Variants in ENPP3 observed in about 807,000 individuals in gnomAD.
The protein encoded by ENPP3 is ectonucleotide pyrophosphatase/phosphodiesterase family member 3.
Under a neutral mutation model 117.8 loss-of-function variants are expected in ENPP3, and 104 were observed. That is an observed-to-expected ratio of 0.88 (90% CI 0.75 to 1.04). The LOEUF (loss-of-function observed/expected upper bound fraction) is 1.04, where lower values mean the gene tolerates loss of function less well. ENPP3 is among the 50% of genes least tolerant of loss of function. The pLI is 0.00. For synonymous variants in ENPP3, 380 were observed against 349.9 expected, an observed-to-expected ratio of 1.09 and a Z score of -0.96; for missense variants, 1,026 against 1,051.9, an observed-to-expected ratio of 0.98 and a Z score of 0.34.
chr6:131,713,732 TA>T, intron 15 of ENPP3, among the ~76,000 whole-genome samples: 1 of 152,306 alleles, frequency 6.6e-6, no homozygotes, highest in Middle Eastern at 3.4e-3. Flanking sequence ...TATGTTCCAA[TA>T]AACCCATCAT....
intron 20 of ENPP3, 60 bp downstream of exon 20, chr6:131,726,260 C>A (rs1305664058): frequency 3.4e-6 from 5 of 1,488,924 alleles, no homozygotes; most frequent in Non-Finnish European, 4.6e-6. Context: ...CTTTCATATT[C>A]TAAGAGTTGA....
chr6:131,658,794 G>C (rs1778439885), intron 6 of ENPP3, among the ~76,000 whole-genome samples: 2 of 152,166 alleles, frequency 1.3e-5, no homozygotes. Flanking sequence ...AGCCTGGTGG[G>C]CTTAGACAGA....
rs547503130 is a variant in ENPP3, at chr6:131,696,742, T to G, written c.1412+3118T>G. On this transcript the variant is annotated intron_variant, in intron 15 of 24. Transcript: ENST00000357639. ...GCCGCGTCCTTCAAAGGCACCTTTTTTTCTCTCAATGATCTACCCAGAGCA... is the reference window on the plus strand; with the variant it reads ...GCCGCGTCCTTCAAAGGCACCTTTTGTTCTCTCAATGATCTACCCAGAGCA... 6.6e-4 allele frequency among the ~76,000 whole-genome samples: 100 copies of G among 152,144 alleles called. 1 individual carries two copies. Among genetic ancestry groups the G allele is most frequent in the African/African-American group, 2.4e-3 (98 of 41,496 alleles).
chr6:131,699,235 C>CAAAAAAAAAAAAAAAAAAAAAAAAAAAA (rs4053087), intron 15 of ENPP3, among the ~76,000 whole-genome samples: 1 of 107,968 alleles, frequency 9.3e-6, no homozygotes, highest in Admixed American at 9.9e-5. Context: ...AAGACTGTCT[C>CAAAAAAAAAAAAAAAAAAAAAAAAAAAA]AAAAAAAAAA....
At chr6:131,651,195 CA>C in intron 3 of ENPP3, among the ~76,000 whole-genome samples, 1 of 152,274 alleles carries the variant, frequency 6.6e-6, no homozygotes, top group South Asian at 2.1e-4. Flanking sequence ...GCTGGGATTA[CA>C]GGTGTGGGCC....
intron 20 of ENPP3, 93 bp downstream of exon 20, chr6:131,726,293 C>A: frequency 1.7e-6 from 2 of 1,173,890 alleles, no homozygotes; most frequent in South Asian, 3.0e-5. Flanking sequence ...AGCAGAGATT[C>A]AAAGGGAGGG....
intron 21 of ENPP3, among the ~76,000 whole-genome samples, chr6:131,734,374 G>A (rs3843997): frequency 1.3e-3 from 196 of 152,218 alleles, no homozygotes; most frequent in African/African-American, 4.5e-3. Context: ...CTGTGCAACA[G>A]GAAACGTCAT....
chr6:131,678,904 T>C, intron 11 of ENPP3, among the ~76,000 whole-genome samples: 1 of 143,742 alleles, frequency 7.0e-6, no homozygotes, highest in East Asian at 2.0e-4. Context: ...TTTCTTTCTT[T>C]CTCTCTTTCT....
At chr6:131,723,921 C>A in intron 18 of ENPP3, 119 bp from the exon 19 acceptor site, 1 of 674,282 alleles carries the variant, frequency 1.5e-6, no homozygotes, top group Non-Finnish European at 2.6e-6. Context: ...GTTAGGCTAG[C>A]TTCTTTGGCA....
intron 9 of ENPP3, among the ~76,000 whole-genome samples, chr6:131,676,318 G>A (rs1778867794): frequency 6.7e-6 from 1 of 150,298 alleles, no homozygotes; most frequent in African/African-American, 2.5e-5. Context: ...TTTTATATTA[G>A]GTCTATTGTT....
At chr6:131,716,159 A>G (rs905165503) in intron 15 of ENPP3, among the ~76,000 whole-genome samples, 11 of 152,174 alleles carry the variant, frequency 7.2e-5, no homozygotes, top group Admixed American at 5.2e-4. Flanking sequence ...ATAATGGAGA[A>G]TTTGTTCCAA....
chr6:131,650,025 A>G lies in ENPP3; in HGVS notation c.155-2A>G, dbSNP rs1778229481. 1.2e-6 allele frequency: 2 copies of G among 1,613,828 alleles called. No homozygotes were observed. The highest frequency in any genetic ancestry group is 4.5e-5 in the East Asian group (2 of 44,862). On this transcript the variant is annotated splice_acceptor_variant, in intron 2 of 24. Transcript: ENST00000357639. LOFTEE classifies it high-confidence loss of function. ...TCGGGCCCTATTTCCTTTACTTTGTAGGCAGCTGCAGGAAGAAGTGCTTTG... is the reference window on the plus strand; with the variant it reads ...TCGGGCCCTATTTCCTTTACTTTGTGGGCAGCTGCAGGAAGAAGTGCTTTG...
Position 131,682,909 on chromosome 6 carries a change from G to A in ENPP3, c.1012-145G>A, listed in dbSNP as rs1779056260. On this transcript the variant is annotated intron_variant, in intron 11 of 24. Transcript: ENST00000357639. ...TGGTATTTGATGAATATGGTAGCATGGGTGCTAGTGCTGGGCTCTGAGGTT... is the reference window on the plus strand; with the variant it reads ...TGGTATTTGATGAATATGGTAGCATAGGTGCTAGTGCTGGGCTCTGAGGTT... 6.4e-6 allele frequency: 4 copies of A among 629,464 alleles called. No homozygotes were observed. In the Admixed American group the frequency reaches 9.4e-5, roughly 15 times the overall value. 39.0% of individuals were successfully genotyped at this position (629,464 alleles called of 1,614,324 possible). A position where few individuals can be genotyped will look rare whatever the true frequency, so the allele number is the denominator to read the frequency against.
At chr6:131,656,659 C>T (rs139280330) in intron 5 of ENPP3, among the ~76,000 whole-genome samples, 7 of 151,398 alleles carry the variant, frequency 4.6e-5, no homozygotes, top group East Asian at 1.9e-4. Flanking sequence ...CCCAGCTACT[C>T]GGGAGGTTGA....
intron 15 of ENPP3, among the ~76,000 whole-genome samples, chr6:131,698,909 A>G (rs1779463984): frequency 8.3e-6 from 1 of 120,946 alleles, no homozygotes; most frequent in Non-Finnish European, 1.7e-5. Flanking sequence ...CTATTTTTAT[A>G]CTATATAAAT....
At chr6:131,690,793 A>G (rs185059946) in intron 14 of ENPP3, among the ~76,000 whole-genome samples, 298 of 152,004 alleles carry the variant, frequency 2.0e-3, no homozygotes, top group Non-Finnish European at 3.1e-3. Flanking sequence ...ACCTTCTAGT[A>G]TGCCGATCTT....
intron 20 of ENPP3, among the ~76,000 whole-genome samples, chr6:131,728,154 C>T (rs1780197363): frequency 6.6e-6 from 1 of 152,108 alleles, no homozygotes; most frequent in African/African-American, 2.4e-5. Context: ...GTGTTCAGTT[C>T]GTGATTTTCT....
Position 131,700,421 on chromosome 6 carries a change from A to G in ENPP3, c.1412+6797A>G, listed in dbSNP as rs1486237248. 19 of 615,096 alleles carry G rather than the reference A, an allele frequency of 3.1e-5. 1 individual carries two copies. Among genetic ancestry groups the G allele is most frequent in the East Asian group, 7.4e-5 (2 of 26,972 alleles). The allele number at this position is 615,096 out of a possible 1,614,324, so 38.1% of individuals were successfully genotyped here. ...GCAGAGATGGGTTAAGAACCGCTCA[A>G]TGATGTAACTTCCTAGGTCACTGTC... On this transcript the variant is annotated intron_variant, in intron 15 of 24. Coordinates refer to ENST00000357639, the MANE Select transcript of ENPP3 (RefSeq NM_005021.5).
intron 15 of ENPP3, chr6:131,701,231 G>T (rs1197030373): frequency 2.2e-6 from 3 of 1,350,360 alleles, no homozygotes; most frequent in Non-Finnish European, 3.1e-6. Context: ...AGAAGTACAT[G>T]GGGGCGTGCA....
Sources: allele counts gnomAD v4.1 joint callset (sites outside exome capture counted in the v4.1 genomes callset), GRCh38; gene constraint gnomAD v4.1.1; transcripts MANE v1.5; gene names NCBI Gene and HGNC (gene_info 2026-07-23, HGNC 2026-07-21).